Variants in CACNA2D3 observed in about 807,000 individuals in gnomAD.
CACNA2D3 encodes the protein calcium voltage-gated channel auxiliary subunit alpha2delta 3.
In CACNA2D3, 60 loss-of-function variants were observed where a neutral mutation model predicts 160.6. That is an observed-to-expected ratio of 0.37 (90% confidence interval 0.30 to 0.46). CACNA2D3 has a LOEUF of 0.46. Ranked by LOEUF, CACNA2D3 falls within the 20% of genes least tolerant of loss-of-function variation. CACNA2D3 has a pLI of 1.00. For synonymous variants in CACNA2D3, 558 were observed against 492.9 expected (o/e 1.13, Z -1.75); for missense variants, 1,205 against 1,365.0 (o/e 0.88, Z 1.85).
chr3:54,856,003 TG>T (rs1229775844), intron 17 of CACNA2D3, among the ~76,000 whole-genome samples: 1 of 152,222 alleles, frequency 6.6e-6, no homozygotes, highest in Non-Finnish European at 1.5e-5. Context: ...TCTTCTTGCA[TG>T]GACCTTTGAG....
chr3:54,309,914 C>T (rs7613156), intron 2 of CACNA2D3, among the ~76,000 whole-genome samples: 2 of 151,918 alleles, frequency 1.3e-5, no homozygotes, highest in Non-Finnish European at 2.9e-5. Context: ...CTCCCTGCAT[C>T]CTCTCTGCTT....
At chr3:54,866,154 C>G (rs1265383391) in intron 17 of CACNA2D3, among the ~76,000 whole-genome samples, 3 of 152,080 alleles carry the variant, frequency 2.0e-5, no homozygotes, top group Middle Eastern at 6.9e-3. Flanking sequence ...AGGCCTGGCA[C>G]AGAGCCTGAG....
At chr3:54,529,891 C>T (rs1443554926) in intron 5 of CACNA2D3, among the ~76,000 whole-genome samples, 1 of 152,170 alleles carries the variant, frequency 6.6e-6, no homozygotes, top group African/African-American at 2.4e-5. Flanking sequence ...TGTATTTGGG[C>T]AGATGTATTT....
intron 2 of CACNA2D3, among the ~76,000 whole-genome samples, chr3:54,232,685 C>T (rs1003757752): frequency 6.6e-6 from 1 of 152,128 alleles, no homozygotes; most frequent in Admixed American, 6.5e-5. Context: ...CTTTGTAAGT[C>T]TTTCCCTAAT....
intron 2 of CACNA2D3, among the ~76,000 whole-genome samples, chr3:54,126,836 T>C (rs1400572584): frequency 6.6e-6 from 1 of 152,196 alleles, no homozygotes; most frequent in Non-Finnish European, 1.5e-5. Flanking sequence ...TTTAATTAAG[T>C]TTCTGATTTG....
Position 54,885,474 on chromosome 3 carries a change from A to G in CACNA2D3, c.1959-15A>G, listed in dbSNP as rs761511886. On this transcript the variant is annotated splice_polypyrimidine_tract_variant and intron_variant, in intron 22 of 37. Transcript: ENST00000474759. The stretch of plus-strand genomic sequence containing the variant: ...TATTGACATGCTCTTGTTTTGGGCC[A>G]TGTCATGTTCTTAGGTCCTACTGCA... The G allele has an allele frequency of 3.7e-6, 6 of 1,610,984 alleles. No homozygotes were observed. The highest frequency in any genetic ancestry group is 1.3e-5 in the African/African-American group (1 of 74,968).
chr3:55,043,701 A>T (rs358499), intron 35 of CACNA2D3, among the ~76,000 whole-genome samples: 16 of 152,286 alleles, frequency 1.1e-4, no homozygotes, highest in African/African-American at 3.8e-4. Context: ...ATATCTAAGA[A>T]ATCTTTGCCT....
rs570063470 is a variant in CACNA2D3, at chr3:54,959,186, A to T, written c.2450-9264A>T. Among the ~76,000 whole-genome samples, 263 of 152,332 alleles carry T rather than the reference A, an allele frequency of 1.7e-3. 1 individual carries two copies. The Middle Eastern group carries it at 0.024, about 14-fold the overall frequency. ...GTCTGTATATTGAGTCTCGTGTTCC[A>T]CAAGGTACCAGTTGGGCCAAGCTGA... On this transcript the variant is annotated intron_variant, in intron 27 of 37. Coordinates refer to ENST00000474759, the MANE Select transcript of CACNA2D3 (RefSeq NM_018398.3).
chr3:54,178,089 G>A (rs932705314), intron 2 of CACNA2D3, among the ~76,000 whole-genome samples: 2 of 152,108 alleles, frequency 1.3e-5, no homozygotes, highest in Non-Finnish European at 2.9e-5. Context: ...AGGTAAAAAG[G>A]AGTCTGTAAA....
intron 2 of CACNA2D3, among the ~76,000 whole-genome samples, chr3:54,214,237 A>G (rs1701424804): frequency 6.6e-6 from 1 of 152,200 alleles, no homozygotes; most frequent in African/African-American, 2.4e-5. Flanking sequence ...GCTCAGAATA[A>G]AGAGCTTAGA....
At chr3:54,585,064 A>T (rs1031982223) in intron 9 of CACNA2D3, among the ~76,000 whole-genome samples, 15 of 152,224 alleles carry the variant, frequency 9.9e-5, no homozygotes, top group African/African-American at 3.6e-4. Context: ...AAAGCTTGGA[A>T]ATTCAGAAAG....
intron 4 of CACNA2D3, among the ~76,000 whole-genome samples, chr3:54,467,116 G>A (rs1331353620): frequency 6.6e-6 from 1 of 151,316 alleles, no homozygotes; most frequent in Non-Finnish European, 1.5e-5. Flanking sequence ...ACAACAATAG[G>A]GGTCCTGGCT....
At chr3:54,822,740 T>TTCTC (rs1703637535) in intron 14 of CACNA2D3, among the ~76,000 whole-genome samples, 1 of 51,668 alleles carries the variant, frequency 1.9e-5, no homozygotes, top group Admixed American at 2.2e-4. Context: ...TTTTCTTTCT[T>TTCTC]TCTTTCTTTC....
At chr3:54,789,004 C>G (rs1001383862) in intron 13 of CACNA2D3, among the ~76,000 whole-genome samples, 3 of 151,828 alleles carry the variant, frequency 2.0e-5, no homozygotes, top group Non-Finnish European at 2.9e-5. Context: ...ATTGAGCGGC[C>G]AAAAATAATG....
intron 2 of CACNA2D3, among the ~76,000 whole-genome samples, chr3:54,211,828 A>C (rs879442309): frequency 6.6e-6 from 1 of 152,208 alleles, no homozygotes; most frequent in Non-Finnish European, 1.5e-5. Context: ...AAAATATATT[A>C]TAAAATGTAA....
rs1328823131 is a variant in CACNA2D3, at chr3:54,646,282, ATGTGCAGGT to A, written c.1167+4052_1167+4060del. On this transcript the variant is annotated intron_variant, in intron 11 of 37. Coordinates refer to ENST00000474759, the MANE Select transcript of CACNA2D3 (RefSeq NM_018398.3). ...CTCAATCTTTTAAGTTCTGGGATAT[ATGTGCAGGT>A]TGTGCAGGTTTTTTACATAGGTAAA... Among the ~76,000 whole-genome samples the A allele has an allele frequency of 3.4e-5, 5 of 148,768 alleles. No individual in the cohort carries two copies. In the Admixed American group the frequency reaches 3.4e-4, roughly 10 times the overall value.
chr3:54,641,229 T>C (rs938600492), intron 10 of CACNA2D3, among the ~76,000 whole-genome samples: 1 of 152,196 alleles, frequency 6.6e-6, no homozygotes, highest in Non-Finnish European at 1.5e-5. Context: ...ACATAATACA[T>C]GTAAGGTATA....
chr3:54,877,384 A>C (rs938941497), intron 18 of CACNA2D3, among the ~76,000 whole-genome samples: 1 of 152,174 alleles, frequency 6.6e-6, no homozygotes, highest in Admixed American at 6.5e-5. Context: ...GTTGATGATG[A>C]TGGAGGATAG....
chr3:54,623,922 A>G (rs897426113), intron 9 of CACNA2D3, among the ~76,000 whole-genome samples: 1 of 152,156 alleles, frequency 6.6e-6, no homozygotes, highest in Non-Finnish European at 1.5e-5. Context: ...GTTCCCTGGG[A>G]GACAAGAGCT....
Sources: gnomAD v4.1 joint callset for allele counts (sites outside exome capture counted in the v4.1 genomes callset) on GRCh38, gnomAD v4.1.1 for gene constraint, MANE v1.5 for transcripts, NCBI Gene and HGNC (gene_info 2026-07-23, HGNC 2026-07-21) for gene names.